UBN1: variants seen among roughly 807,000 people sequenced by gnomAD.
UBN1 encodes the protein ubinuclein-1.
In UBN1, 17 loss-of-function variants were observed where a neutral mutation model predicts 108.5. The ratio of observed to expected loss-of-function variants is 0.16; its 90% CI spans 0.11 to 0.24. The LOEUF (loss-of-function observed/expected upper bound fraction) is 0.24. Among genes scored for constraint, UBN1 ranks in the 10% least tolerant of loss-of-function variants. The probability of loss-of-function intolerance (pLI) is 1.00; values close to 1 mark genes in which losing one functional copy is unlikely to be tolerated. For missense variants in UBN1, 1,595 were observed against 1,394.4 expected (o/e 1.14, Z -2.29); for synonymous variants, 726 against 564.2 (o/e 1.29, Z -4.07).
chr16:4,879,254 A>G (rs112901469), intron 17 of UBN1, among the ~76,000 whole-genome samples: 12 of 152,296 alleles, frequency 7.9e-5, no homozygotes, highest in African/African-American at 1.9e-4. Context: ...AAACATCACT[A>G]TGTACCCCAT....
In UBN1 at chr16:4,870,193, A is replaced by G. The variant is rs755120616; in HGVS notation, c.1182-19A>G. On this transcript the variant is annotated intron_variant, in intron 8 of 17. Coordinates refer to ENST00000262376, the MANE Select transcript of UBN1 (RefSeq NM_001079514.3). ...TTGCAGTGAGCTGCAGCCGGTGGTG[A>G]CTGTGTTTTGTTCTTCAGCATAGAG... The G allele has an allele frequency of 2.2e-5, 35 of 1,613,764 alleles. No individual in the cohort carries two copies. The highest frequency in any genetic ancestry group is 3.0e-5 in the Non-Finnish European group (35 of 1,179,840).
rs1005516846 is a variant in UBN1 at position 4,874,065 on chromosome 16, C to T, written c.1801-146C>T. On this transcript the variant is annotated intron_variant, in intron 14 of 17. Transcript: ENST00000262376. ...GCATCTAAAGTCAAGGCGGGCACAG[C>T]TCCTGCTCTGTCCCACCACTTGTCT... is the stretch of plus-strand genomic sequence containing the variant. 7.7e-6 allele frequency: 8 copies of T among 1,034,894 alleles called. No homozygotes were observed. The Admixed American group carries it at 2.0e-4, about 26-fold the overall frequency. 64.1% of individuals were successfully genotyped at this position (1,034,894 alleles called of 1,614,324 possible). A position where few individuals can be genotyped will look rare whatever the true frequency, so the allele number is the denominator to read the frequency against.
chr16:4,878,398 C>A (rs1366056689), intron 17 of UBN1, among the ~76,000 whole-genome samples: 1 of 152,122 alleles, frequency 6.6e-6, no homozygotes, highest in African/African-American at 2.4e-5. Flanking sequence ...AAGTAAGGAC[C>A]CTCTGTGCTG....
At chr16:4,866,396 C>T (rs1048649343) in intron 7 of UBN1, among the ~76,000 whole-genome samples, 27 of 152,274 alleles carry the variant, frequency 1.8e-4, no homozygotes, top group African/African-American at 6.3e-4. Flanking sequence ...TGTGGCGTGC[C>T]GTTTTACAGT....
At chr16:4,870,154 G>A in intron 8 of UBN1, 58 bp from the exon 9 acceptor site, 1 of 1,608,680 alleles carries the variant, frequency 6.2e-7, no homozygotes, top group Non-Finnish European at 8.5e-7. Context: ...ACGGTGAGCT[G>A]ATGAAGACAG....
chr16:4,867,848 C>T (rs772274983), intron 7 of UBN1, among the ~76,000 whole-genome samples: 33 of 152,128 alleles, frequency 2.2e-4, no homozygotes, highest in Non-Finnish European at 3.8e-4. Context: ...CCTTATCACC[C>T]TTGTTTGCTG....
At chr16:4,864,947 G>A (rs1403771850) in intron 7 of UBN1, among the ~76,000 whole-genome samples, 1 of 152,178 alleles carries the variant, frequency 6.6e-6, no homozygotes, top group East Asian at 1.9e-4. Context: ...AACAGATACA[G>A]TATATAAGAT....
In UBN1 at chr16:4,874,733, G is replaced by C. The variant is rs1414100691; in HGVS notation, c.2323G>C (p.Glu775Gln). The change falls in exon 15 of 18, where the codon GAA (glutamate) becomes CAA (glutamine). Residue 775 changes from glutamate to glutamine, a missense_variant. Physicochemically the swap from Glu to Gln is conservative, Grantham distance 29. This residue lies in a region of UBN1 where 1,398 missense variants were observed against 1,194.7 expected (regional missense o/e 1.17). Coordinates refer to ENST00000262376, the MANE Select transcript of UBN1 (RefSeq NM_001079514.3). ...GGCTCCCCTCAATAAGGGCCTGCCA[G>C]AAGTACATCAGTCCAAAGCTAAGCA... ...CQAPLNKGLP[E>Q]VHQSKAKHHS... is the part of the protein sequence containing the mutation. The C allele has an allele frequency of 1.2e-6, 2 of 1,614,082 alleles. No homozygotes were observed. Among genetic ancestry groups the C allele is most frequent in the East Asian group, 2.2e-5 (1 of 44,872 alleles).
rs1175283345 is a variant in UBN1, at chr16:4,868,815, C to T, written c.1111-18C>T. 4 of 1,612,890 alleles carry T rather than the reference C, an allele frequency of 2.5e-6. No homozygotes were observed. Among genetic ancestry groups the T allele is most frequent in the Non-Finnish European group, 1.7e-6 (2 of 1,179,332 alleles). On this transcript the variant is annotated intron_variant, in intron 7 of 17. Coordinates refer to ENST00000262376, the MANE Select transcript of UBN1 (RefSeq NM_001079514.3). Reference sequence around the variant, plus strand: ...GGGGAAAGTGCACTAACGGCTGTTACTGTCTGCTGTGCACCAGGCTGCCAG... The same window carrying T: ...GGGGAAAGTGCACTAACGGCTGTTATTGTCTGCTGTGCACCAGGCTGCCAG...
Position 4,848,013 on chromosome 16 carries a change from T to G in UBN1, c.-237T>G, listed in dbSNP as rs1220483509. On this transcript the variant is annotated 5_prime_UTR_variant, in exon 1 of 18. Transcript: ENST00000262376. Reference sequence around the variant, plus strand: ...GACGTCGAGTTGGCATTTCTTCGCTTCCTCCTGGGCCGGCGCGCGGCGCGG... The same window carrying G: ...GACGTCGAGTTGGCATTTCTTCGCTGCCTCCTGGGCCGGCGCGCGGCGCGG... The G allele has an allele frequency of 6.6e-6, 1 of 152,480 alleles. No homozygotes were observed. The highest frequency in any genetic ancestry group is 1.5e-5 in the Non-Finnish European group (1 of 68,586). The allele number at this position is 152,480 out of a possible 1,614,324, so 9.4% of individuals were successfully genotyped here. A position where few individuals can be genotyped will look rare whatever the true frequency, so the allele number is the denominator to read the frequency against.
In UBN1 at chr16:4,880,258, G is replaced by A; in HGVS notation, c.*126G>A. The A allele has an allele frequency of 8.6e-7, 1 of 1,158,370 alleles. No homozygotes were observed. Among genetic ancestry groups the A allele is most frequent in the South Asian group, 1.3e-5 (1 of 79,566 alleles). The allele number at this position is 1,158,370 out of a possible 1,614,324, so 71.8% of individuals were successfully genotyped here. On this transcript the variant is annotated 3_prime_UTR_variant, in exon 18 of 18. Transcript: ENST00000262376. The stretch of plus-strand genomic sequence containing the variant: ...TCTTCTGGAGGAGCGTGAGTTCTCA[G>A]CGGAGCGCTTCTCGGCACTTCTGAT...
intron 2 of UBN1, among the ~76,000 whole-genome samples, chr16:4,856,554 A>T (rs781684278): frequency 1.3e-5 from 2 of 152,238 alleles, no homozygotes; most frequent in Non-Finnish European, 2.9e-5. Context: ...CAATATGGTC[A>T]TTGTTTAAGT....
chr16:4,860,542 A>T (rs1004049275), intron 6 of UBN1, 122 bp from the exon 7 acceptor site: 9 of 1,010,088 alleles, frequency 8.9e-6, no homozygotes, highest in Non-Finnish European at 1.3e-5. Context: ...AGGAGGAATG[A>T]CAGGGTGGAC....
chr16:4,856,845 G>A (rs573835076), intron 2 of UBN1, among the ~76,000 whole-genome samples: 3 of 152,310 alleles, frequency 2.0e-5, no homozygotes, highest in South Asian at 4.1e-4. Context: ...AGGTATGATC[G>A]TTAGATGTAT....
At chr16:4,879,818 T>C (rs2088025879) in intron 17 of UBN1, among the ~76,000 whole-genome samples, 1 of 152,216 alleles carries the variant, frequency 6.6e-6, no homozygotes, top group South Asian at 2.1e-4. Flanking sequence ...GTAGCCCAAG[T>C]TGCACAGCAG....
chr16:4,857,930 T>C (rs2086887580), intron 2 of UBN1, 60 bp from the exon 3 acceptor site: 11 of 1,306,228 alleles, frequency 8.4e-6, no homozygotes, highest in South Asian at 3.7e-5. Context: ...GTGAAGTTTC[T>C]ATGAATAAGA....
Position 4,874,291 on chromosome 16 carries a change from C to A in UBN1, c.1881C>A (p.His627Gln), listed in dbSNP as rs375068396. ...IGGPIALPSDHQTGGLSIGAS... is the reference protein window; with the variant it reads ...IGGPIALPSDQQTGGLSIGAS... ...GCCCCATTGCTTTGCCCTCAGATCACCAAACAGGAGGCCTGAGTATTGGGG... is the reference window on the plus strand; with the variant it reads ...GCCCCATTGCTTTGCCCTCAGATCAACAAACAGGAGGCCTGAGTATTGGGG... Residue 627 changes from histidine to glutamine, a missense_variant, in exon 15 of 18, where the codon CAC becomes CAA. By Grantham distance (24) the His-to-Gln change is conservative. Transcript: ENST00000262376. 6.9e-5 allele frequency: 111 copies of A among 1,614,008 alleles called. 1 individual carries two copies. In the East Asian group the frequency reaches 7.1e-4, roughly 10 times the overall value.
Position 4,847,544 on chromosome 16 carries a change from G to T in UBN1, c.-706G>T. On this transcript the variant is annotated 5_prime_UTR_variant, in exon 1 of 18. Transcript: ENST00000262376. ...GCCCGCGGTCTGAGGCGGCGGCGGC[G>T]GCGACGGTGCGACCGGCTGAGCGCG... is the stretch of plus-strand genomic sequence containing the variant. 2.2e-6 allele frequency: 1 copy of T among 454,842 alleles called. No homozygotes were observed. The highest frequency in any genetic ancestry group is 4.7e-5 in the Admixed American group (1 of 21,254). The allele number at this position is 454,842 out of a possible 1,614,324, so 28.2% of individuals were successfully genotyped here.
rs951530149 is a variant in UBN1, at chr16:4,877,280, C to T, written c.3266-105C>T. 28 of 1,525,572 alleles carry T rather than the reference C, an allele frequency of 1.8e-5. No individual in the cohort carries two copies. Among genetic ancestry groups the T allele is most frequent in the Admixed American group, 3.8e-5 (2 of 52,430 alleles). 94.5% of individuals were successfully genotyped at this position (1,525,572 alleles called of 1,614,324 possible). On this transcript the variant is annotated intron_variant, in intron 16 of 17. Coordinates refer to ENST00000262376, the MANE Select transcript of UBN1 (RefSeq NM_001079514.3). This position sits in a 1 kb window ranked among gnomAD's most constrained non-coding sequence, Gnocchi z 4.3. ...TGCCCCTTTGGGTGTGGTGCCCAGA[C>T]TGGCCTGGCAGGTTATCGGGGGCTT...
Sources: allele counts gnomAD v4.1 joint callset (sites outside exome capture counted in the v4.1 genomes callset), GRCh38; gene constraint gnomAD v4.1.1; regional missense constraint gnomAD v4.1.1; non-coding constraint Gnocchi (gnomAD v3.1); transcripts MANE v1.5; gene names NCBI Gene and HGNC (gene_info 2026-07-23, HGNC 2026-07-21).